NIBAN1: variants seen among roughly 807,000 people sequenced by gnomAD.
NIBAN1 encodes the protein protein Niban 1.
A neutral mutation model predicts 75.1 loss-of-function variants in NIBAN1; 81 were observed. The ratio of observed to expected loss-of-function variants is 1.08; its 90% CI spans 0.90 to 1.30. NIBAN1 has a LOEUF of 1.30. Among genes scored for constraint, NIBAN1 ranks in the 50% most tolerant of loss-of-function variants. The pLI is 0.00. For missense variants in NIBAN1, 1,133 were observed against 1,128.1 expected (o/e 1.00, Z -0.06); for synonymous variants, 436 against 424.8 (o/e 1.03, Z -0.32).
intron 5 of NIBAN1, among the ~76,000 whole-genome samples, chr1:184,852,346 C>A (rs1019462110): frequency 6.6e-6 from 1 of 152,178 alleles, no homozygotes; most frequent in Non-Finnish European, 1.5e-5. Context: ...TGGGCATGGT[C>A]AGGGGACAAC....
chr1:184,963,913 A>G (rs1658712647), intron 1 of NIBAN1, among the ~76,000 whole-genome samples: 1 of 152,222 alleles, frequency 6.6e-6, no homozygotes, highest in African/African-American at 2.4e-5. Flanking sequence ...ACAAATATGG[A>G]AGGATAGCCT....
rs561711548 is a variant in NIBAN1, at chr1:184,792,953, A to G, written c.*2024T>C. 1 of 152,362 alleles carries G rather than the reference A, an allele frequency of 6.6e-6. No individual in the cohort carries two copies. The highest frequency in any genetic ancestry group is 1.5e-5 in the Non-Finnish European group (1 of 68,046). The allele number at this position is 152,362 out of a possible 1,614,324, so 9.4% of individuals were successfully genotyped here. A position where few individuals can be genotyped will look rare whatever the true frequency, so the allele number is the denominator to read the frequency against. ...GCTAAATGCCAGGATATGAGTGAGCACTGCAGAAAGCAGAGACTGGGGGAG... is the reference window on the plus strand; with the variant it reads ...GCTAAATGCCAGGATATGAGTGAGCGCTGCAGAAAGCAGAGACTGGGGGAG... On this transcript the variant is annotated 3_prime_UTR_variant, in exon 14 of 14. Coordinates refer to ENST00000367511, the MANE Select transcript of NIBAN1 (RefSeq NM_052966.4).
chr1:184,806,029 C>CA lies in NIBAN1; in HGVS notation c.1362dup (p.Glu455Ter). 2 of 1,614,026 alleles carry CA rather than the reference C, an allele frequency of 1.2e-6. No individual in the cohort carries two copies. The highest frequency in any genetic ancestry group is 2.2e-5 in the South Asian group (2 of 91,072). On this transcript the variant is annotated frameshift_variant, in exon 11 of 14. Transcript: ENST00000367511. LOFTEE classifies it high-confidence loss of function. ...TGGAGATGTGGGGAAAGCAACTGCT[C>CA]AAAAGTGAACACTGCATTCTCCATT...
intron 10 of NIBAN1, among the ~76,000 whole-genome samples, chr1:184,807,700 A>G (rs1654244232): frequency 6.6e-6 from 1 of 152,190 alleles, no homozygotes; most frequent in South Asian, 2.1e-4. Flanking sequence ...GAGGCAAGAC[A>G]ATCACTTGAA....
At chr1:184,886,049 T>C (rs559554852) in intron 4 of NIBAN1, among the ~76,000 whole-genome samples, 31 of 152,290 alleles carry the variant, frequency 2.0e-4, no homozygotes, top group Non-Finnish European at 2.9e-4. Flanking sequence ...ATTCCGTGAC[T>C]TTTTATATTG....
At position 184,832,773 on chromosome 1, in the gene NIBAN1, A is replaced by T. The variant is rs181759174; in HGVS notation, c.602-811T>A. On this transcript the variant is annotated intron_variant, in intron 5 of 13. Coordinates refer to ENST00000367511, the MANE Select transcript of NIBAN1 (RefSeq NM_052966.4). ...GGTACTATCCTACCACAAGGAATGA[A>T]TATCTAATGGTGGAACTTAAGGTGT... 3.0e-4 allele frequency among the ~76,000 whole-genome samples: 46 copies of T among 152,294 alleles called. No homozygotes were observed. The East Asian group carries it at 5.8e-3, about 19-fold the overall frequency.
chr1:184,873,809 T>C (rs1656169680), intron 5 of NIBAN1, among the ~76,000 whole-genome samples: 1 of 152,178 alleles, frequency 6.6e-6, no homozygotes, highest in Non-Finnish European at 1.5e-5. Flanking sequence ...TATGCTTTCC[T>C]CCTGTTAATC....
In NIBAN1 at chr1:184,791,080, ACATGGTTACAAAGTGTTTTAAGT is replaced by A. The variant is rs1255713578; in HGVS notation, c.*3874_*3896del. 4.2e-6 allele frequency: 2 copies of A among 471,158 alleles called. No individual in the cohort carries two copies. Among genetic ancestry groups the A allele is most frequent in the Admixed American group, 4.7e-5 (2 of 42,502 alleles). 29.2% of individuals were successfully genotyped at this position (471,158 alleles called of 1,614,324 possible). On this transcript the variant is annotated 3_prime_UTR_variant, in exon 14 of 14. Coordinates refer to ENST00000367511, the MANE Select transcript of NIBAN1 (RefSeq NM_052966.4). ...AATATAGGCACCTGGCAGAGTAAAT[ACATGGTTACAAAGTGTTTTAAGT>A]TTATTTGCTTTATATAGTGACCGGG...
intron 12 of NIBAN1, among the ~76,000 whole-genome samples, chr1:184,801,670 G>A (rs1458835432): frequency 1.3e-5 from 2 of 152,154 alleles, no homozygotes; most frequent in East Asian, 1.9e-4. Context: ...TCCTCACATG[G>A]CATCCTGTTT....
In NIBAN1 at chr1:184,795,393, C is replaced by A. The variant is rs769669832; in HGVS notation, c.2371G>T (p.Val791Leu). 1.8e-5 allele frequency: 29 copies of A among 1,605,716 alleles called. No individual in the cohort carries two copies. In the Admixed American group the frequency reaches 3.0e-4, roughly 17 times the overall value. Residue 791 changes from valine to leucine, a missense_variant, in exon 14 of 14, where the codon GTA (valine) becomes TTA (leucine). Transcript: ENST00000367511. ...HGEELGGFPE[V>L]GSPASPPASG... ...GCTGGCGGAGAGGCTGGGCTGCCTA[C>A]CTCTGGAAATCCCCCCAACTCCTCC...
At chr1:184,911,090 C>CAT (rs1553227054) in intron 1 of NIBAN1, among the ~76,000 whole-genome samples, 131 of 150,666 alleles carry the variant, frequency 8.7e-4, no homozygotes, top group East Asian at 7.2e-3. Context: ...CACACACACA[C>CAT]ATATATATAT....
At chr1:184,813,546 G>T (rs1037727480) in intron 9 of NIBAN1, among the ~76,000 whole-genome samples, 1 of 152,136 alleles carries the variant, frequency 6.6e-6, no homozygotes, top group African/African-American at 2.4e-5. Context: ...ATATAAAGAA[G>T]GTTATAAAGA....
chr1:184,965,933 CT>C (rs1658774129), intron 1 of NIBAN1, among the ~76,000 whole-genome samples: 1 of 152,174 alleles, frequency 6.6e-6, no homozygotes. Flanking sequence ...GTGAAAAACT[CT>C]GCATATCAAA....
At position 184,795,783 on chromosome 1, in the gene NIBAN1, C is replaced by A. The variant is rs772219809; in HGVS notation, c.1981G>T (p.Asp661Tyr). 4 of 1,611,154 alleles carry A rather than the reference C, an allele frequency of 2.5e-6. No homozygotes were observed. The African/African-American group carries it at 4.0e-5, about 16-fold the overall frequency. ...GTEQVIISRV[D>Y]DPVVNPVATE... ...GCCACAGGATTCACCACGGGGTCATCCACTCTTGAAATAATCACCTGCTCA... is the reference window on the plus strand; with the variant it reads ...GCCACAGGATTCACCACGGGGTCATACACTCTTGAAATAATCACCTGCTCA... Residue 661 changes from aspartate (D) to tyrosine (Y), a missense_variant, in exon 14 of 14, where the codon GAT becomes TAT. Physicochemically the swap from Asp to Tyr is radical, Grantham distance 160. Transcript: ENST00000367511.
chr1:184,854,497 A>C (rs1219320600), intron 5 of NIBAN1, among the ~76,000 whole-genome samples: 2 of 152,246 alleles, frequency 1.3e-5, no homozygotes, highest in Non-Finnish European at 2.9e-5. Context: ...AGGTTAGTTC[A>C]AATTCAAGAC....
intron 5 of NIBAN1, among the ~76,000 whole-genome samples, chr1:184,860,317 C>G (rs938588223): frequency 6.6e-6 from 1 of 151,880 alleles, no homozygotes; most frequent in Non-Finnish European, 1.5e-5. Flanking sequence ...CCTCAAACTT[C>G]CAGAGTAAAA....
At chr1:184,924,196 T>A (rs1361781484) in intron 1 of NIBAN1, among the ~76,000 whole-genome samples, 4 of 152,144 alleles carry the variant, frequency 2.6e-5, no homozygotes, top group Non-Finnish European at 4.4e-5. Context: ...CATATATGGC[T>A]TTTATGGTGT....
At chr1:184,949,574 G>T (rs955191770) in intron 1 of NIBAN1, among the ~76,000 whole-genome samples, 14 of 152,130 alleles carry the variant, frequency 9.2e-5, no homozygotes, top group African/African-American at 3.4e-4. Context: ...CCCAAACATG[G>T]GCTGCCCCAA....
intron 12 of NIBAN1, among the ~76,000 whole-genome samples, chr1:184,801,401 T>C (rs1654036967): frequency 6.6e-6 from 1 of 152,182 alleles, no homozygotes; most frequent in African/African-American, 2.4e-5. Flanking sequence ...GACTGGAGAC[T>C]GCCCTGGACT....
Sources: gnomAD v4.1 joint callset for allele counts (sites outside exome capture counted in the v4.1 genomes callset) on GRCh38, gnomAD v4.1.1 for gene constraint, MANE v1.5 for transcripts, NCBI Gene and HGNC (gene_info 2026-07-23, HGNC 2026-07-21) for gene names.